Variants in GRM8 observed in about 807,000 individuals in gnomAD.
GRM8 encodes metabotropic glutamate receptor 8.
In GRM8, 47 loss-of-function variants were observed where a neutral mutation model predicts 87.2. That is an observed-to-expected ratio of 0.54 (90% CI 0.43 to 0.69). GRM8 has a LOEUF of 0.69. Ranked by LOEUF, GRM8 falls within the 30% of genes least tolerant of loss-of-function variation. The pLI, the probability that GRM8 is intolerant of heterozygous loss-of-function variation, is 0.00. For missense variants in GRM8, 1,019 were observed against 1,139.2 expected (o/e 0.89, Z 1.52); for synonymous variants, 396 against 404.5 (o/e 0.98, Z 0.25).
At chr7:127,101,888 T>G (rs183747761) in intron 3 of GRM8, among the ~76,000 whole-genome samples, 23 of 152,302 alleles carry the variant, frequency 1.5e-4, no homozygotes, top group South Asian at 6.2e-4. Flanking sequence ...GGAAACTTTG[T>G]ACCTTCTTAG....
At chr7:126,512,213 T>C (rs933415005) in intron 9 of GRM8, 2 of 152,060 alleles carry the variant, frequency 1.3e-5, no homozygotes, top group East Asian at 1.9e-4. Context: ...GAGAATAAGA[T>C]TGACCTGATC....
chr7:127,001,053 T>C (rs969893854), intron 3 of GRM8, among the ~76,000 whole-genome samples: 8 of 151,610 alleles, frequency 5.3e-5, no homozygotes, highest in South Asian at 2.1e-4. Context: ...CAAGACAGCA[T>C]AGTATTGGTG....
chr7:127,180,452 T>C (rs141154314), intron 2 of GRM8, among the ~76,000 whole-genome samples: 1,567 of 152,170 alleles, frequency 0.01, 4 homozygotes, highest in Non-Finnish European at 0.016. Flanking sequence ...CTTTTGACAC[T>C]ATTCCACAAG....
At chr7:126,897,783 C>T (rs1801687324) in intron 6 of GRM8, among the ~76,000 whole-genome samples, 1 of 152,162 alleles carries the variant, frequency 6.6e-6, no homozygotes, top group Non-Finnish European at 1.5e-5. Flanking sequence ...GGAATTACCT[C>T]ACTTGGAATT....
At chr7:126,891,318 G>C (rs986647685) in intron 6 of GRM8, among the ~76,000 whole-genome samples, 3 of 151,856 alleles carry the variant, frequency 2.0e-5, no homozygotes, top group Non-Finnish European at 4.4e-5. Flanking sequence ...GAAAATTACT[G>C]TAGTATCTCA....
At chr7:126,696,282 G>A (rs1809366013) in intron 7 of GRM8, among the ~76,000 whole-genome samples, 1 of 152,146 alleles carries the variant, frequency 6.6e-6, no homozygotes, top group Non-Finnish European at 1.5e-5. Context: ...TGTTACACAG[G>A]TAAACGTCTG....
chr7:127,118,036 C>T lies in GRM8; in HGVS notation c.511-11324G>A, dbSNP rs147900930. 7.8e-3 allele frequency among the ~76,000 whole-genome samples: 1,192 copies of T among 152,262 alleles called. 10 individuals carry two copies. Among genetic ancestry groups the T allele is most frequent in the African/African-American group, 0.026 (1,097 of 41,558 alleles). On this transcript the variant is annotated intron_variant, in intron 2 of 10. Coordinates refer to ENST00000339582, the MANE Select transcript of GRM8 (RefSeq NM_000845.3). Reference sequence around the variant, plus strand: ...ATTTCATGGATTTTTAGTGATTATCCGCATTCACAAAATCTTAGTCTTCAA... The same window carrying T: ...ATTTCATGGATTTTTAGTGATTATCTGCATTCACAAAATCTTAGTCTTCAA...
chr7:127,100,581 G>A (rs1825141247), intron 3 of GRM8, among the ~76,000 whole-genome samples: 2 of 152,194 alleles, frequency 1.3e-5, no homozygotes. Context: ...ACATGGCTGG[G>A]GGTGGCCTCA....
intron 7 of GRM8, among the ~76,000 whole-genome samples, chr7:126,739,184 T>G (rs1814625005): frequency 6.6e-6 from 1 of 152,016 alleles, no homozygotes; most frequent in South Asian, 2.1e-4. Context: ...GACTAATTAT[T>G]ATTATCCAAT....
chr7:126,539,701 A>C (rs1225789877), intron 8 of GRM8, among the ~76,000 whole-genome samples: 1 of 152,016 alleles, frequency 6.6e-6, no homozygotes, highest in Non-Finnish European at 1.5e-5. Flanking sequence ...AAATTCAATA[A>C]AGAATTTTTT....
chr7:127,214,232 G>C (rs756649807), intron 2 of GRM8, among the ~76,000 whole-genome samples: 8 of 152,120 alleles, frequency 5.3e-5, no homozygotes, highest in African/African-American at 9.7e-5. Flanking sequence ...GTTGACCTTG[G>C]AGTAAAAGAT....
chr7:126,598,913 T>G (rs1421208282), intron 8 of GRM8, among the ~76,000 whole-genome samples: 1 of 152,116 alleles, frequency 6.6e-6, no homozygotes, highest in East Asian at 1.9e-4. Context: ...TGGTCCTCTG[T>G]TCTGGGAGCT....
At chr7:126,794,085 T>C (rs1821675660) in intron 6 of GRM8, among the ~76,000 whole-genome samples, 1 of 152,032 alleles carries the variant, frequency 6.6e-6, no homozygotes, top group Non-Finnish European at 1.5e-5. Context: ...AATATCGATT[T>C]GAAACTCAGA....
chr7:127,138,880 A>T (rs1281780428), intron 2 of GRM8, among the ~76,000 whole-genome samples: 1 of 152,092 alleles, frequency 6.6e-6, no homozygotes, highest in Non-Finnish European at 1.5e-5. Context: ...TGCAATTAAC[A>T]ACAACAGTGA....
At chr7:127,057,191 C>T (rs1820082899) in intron 3 of GRM8, among the ~76,000 whole-genome samples, 1 of 152,210 alleles carries the variant, frequency 6.6e-6, no homozygotes, top group South Asian at 2.1e-4. Context: ...TATTTTTATG[C>T]CACTGTCTTA....
At chr7:126,825,116 G>A (rs1794639842) in intron 6 of GRM8, among the ~76,000 whole-genome samples, 1 of 152,074 alleles carries the variant, frequency 6.6e-6, no homozygotes, top group Non-Finnish European at 1.5e-5. Context: ...TGCCCAGGCT[G>A]GAGTGCAGTG....
chr7:127,237,946 G>C (rs1218592781), intron 2 of GRM8, among the ~76,000 whole-genome samples: 1 of 152,172 alleles, frequency 6.6e-6, no homozygotes, highest in Non-Finnish European at 1.5e-5. Flanking sequence ...ATTTAAAGGA[G>C]AGCAGAGGAA....
At chr7:126,877,458 A>G (rs975235037) in intron 6 of GRM8, among the ~76,000 whole-genome samples, 1 of 152,234 alleles carries the variant, frequency 6.6e-6, no homozygotes, top group African/African-American at 2.4e-5. Flanking sequence ...CAAGTGTTCA[A>G]CAGCCACTAG....
intron 6 of GRM8, among the ~76,000 whole-genome samples, chr7:126,802,308 T>C (rs1159531991): frequency 1.5e-4 from 23 of 152,198 alleles, no homozygotes; most frequent in Admixed American, 1.5e-3. Flanking sequence ...TCTAACTTTG[T>C]ATCCTTTGGC....
Sources: gnomAD v4.1 joint callset for allele counts (sites outside exome capture counted in the v4.1 genomes callset) on GRCh38, gnomAD v4.1.1 for gene constraint, MANE v1.5 for transcripts, NCBI Gene and HGNC (gene_info 2026-07-23, HGNC 2026-07-21) for gene names.